The following RXRG variants were observed in gnomAD, a reference collection of about 807,000 sequenced individuals.
RXRG encodes the protein retinoic acid receptor RXR-gamma.
A neutral mutation model predicts 49.2 loss-of-function variants in RXRG; 19 were observed. The ratio of observed to expected loss-of-function variants is 0.39; its 90% CI spans 0.27 to 0.57. RXRG has a LOEUF of 0.57. RXRG is among the 20% of genes least tolerant of loss of function. RXRG has a pLI of 0.64. For missense variants in RXRG, 452 were observed against 592.5 expected (o/e 0.76, Z 2.46); for synonymous variants, 224 against 216.6 (o/e 1.03, Z -0.30).
intron 1 of RXRG, among the ~76,000 whole-genome samples, chr1:165,438,595 T>C (rs1379110895): frequency 6.6e-6 from 1 of 152,216 alleles, no homozygotes; most frequent in Non-Finnish European, 1.5e-5. Context: ...TAAAGAGTTT[T>C]AGGAATGTAA....
intron 2 of RXRG, among the ~76,000 whole-genome samples, chr1:165,427,953 T>C (rs1157028447): frequency 1.3e-5 from 2 of 152,200 alleles, no homozygotes; most frequent in Non-Finnish European, 2.9e-5. Flanking sequence ...GAGCCATCTG[T>C]CCTAGCCTAA....
At chr1:165,413,690 G>A (rs1369160824) in intron 4 of RXRG, among the ~76,000 whole-genome samples, 1 of 152,160 alleles carries the variant, frequency 6.6e-6, no homozygotes, top group African/African-American at 2.4e-5. Flanking sequence ...AGAAATCATG[G>A]AAATAGACAT....
At chr1:165,409,718 G>A (rs1431607239) in intron 6 of RXRG, 28 bp from the exon 7 acceptor site, 3 of 1,444,946 alleles carry the variant, frequency 2.1e-6, no homozygotes, top group Non-Finnish European at 2.7e-6. Flanking sequence ...AGGTCTTGAG[G>A]GAAAACAGAA....
chr1:165,407,148 C>A (rs79768498), intron 8 of RXRG, among the ~76,000 whole-genome samples: 260 of 152,304 alleles, frequency 1.7e-3, no homozygotes, highest in African/African-American at 5.9e-3. Context: ...ATGTACCCAC[C>A]ACTGACTCTA....
intron 1 of RXRG, among the ~76,000 whole-genome samples, chr1:165,441,567 C>T (rs1171163319): frequency 6.6e-6 from 1 of 152,190 alleles, no homozygotes; most frequent in African/African-American, 2.4e-5. Context: ...GTAACAGTAC[C>T]TACTCCTAGG....
In RXRG at chr1:165,444,940, T is replaced by C; in HGVS notation, c.-47A>G. 1 of 1,567,490 alleles carries C rather than the reference T, an allele frequency of 6.4e-7. No individual in the cohort carries two copies. The highest frequency in any genetic ancestry group is 1.1e-5 in the South Asian group (1 of 90,208). On this transcript the variant is annotated 5_prime_UTR_variant, in exon 1 of 10. Coordinates refer to ENST00000359842, the MANE Select transcript of RXRG (RefSeq NM_006917.5). ...CCTCTCCTGTGCAGCTTCTAAATAT[T>C]ACCGCCTCTCTCGGCTCCCAGGCAC...
intron 9 of RXRG, among the ~76,000 whole-genome samples, chr1:165,406,440 C>T (rs985114379): frequency 2.6e-5 from 4 of 152,248 alleles, no homozygotes; most frequent in African/African-American, 9.6e-5. Flanking sequence ...GGGTTCACAT[C>T]TCACCTCCAC....
chr1:165,426,880 G>C lies in RXRG; in HGVS notation c.297+1839C>G, dbSNP rs78207898. Among the ~76,000 whole-genome samples the C allele has an allele frequency of 5.9e-3, 906 of 152,282 alleles. 8 individuals are homozygous for C. Among genetic ancestry groups the C allele is most frequent in the African/African-American group, 0.021 (866 of 41,548 alleles). On this transcript the variant is annotated intron_variant, in intron 2 of 9. Transcript: ENST00000359842. ...CATGACATACTCCAAAGGCCAGCAG[G>C]CTTGAGACCCAGGAAGAGCAAATGC...
chr1:165,424,693 C>A, intron 2 of RXRG: 2 of 741,820 alleles, frequency 2.7e-6, no homozygotes, highest in Non-Finnish European at 3.3e-6. Flanking sequence ...ACTGGCCCTG[C>A]CTGCTGCTCC....
intron 7 of RXRG, 93 bp downstream of exon 7, chr1:165,409,465 G>T: frequency 1.6e-6 from 2 of 1,253,416 alleles, no homozygotes; most frequent in South Asian, 3.7e-5. Context: ...ATGCCCACGT[G>T]AGAATTCATG....
chr1:165,424,569 T>A (rs1429439640), intron 2 of RXRG, among the ~76,000 whole-genome samples: 1 of 152,198 alleles, frequency 6.6e-6, no homozygotes, highest in Non-Finnish European at 1.5e-5. Flanking sequence ...TGCAAAAGAT[T>A]ACACAATTCC....
Position 165,445,048 on chromosome 1 carries a change from TG to T in RXRG, c.-156del. On this transcript the variant is annotated 5_prime_UTR_variant, in exon 1 of 10. It introduces an in-frame stop codon into an upstream open reading frame of the 5' UTR. Transcript: ENST00000359842. The stretch of plus-strand genomic sequence containing the variant: ...GGGAGCACAGGCTGGGCCAGCCCTC[TG>T]GGATTAGTCAGGAATCTGCCTCTAG... The T allele has an allele frequency of 1.5e-6, 1 of 671,844 alleles. No homozygotes were observed. The highest frequency in any genetic ancestry group is 2.7e-6 in the Non-Finnish European group (1 of 371,700). 41.6% of individuals were successfully genotyped at this position (671,844 alleles called of 1,614,324 possible).
chr1:165,438,920 G>A (rs1048999059), intron 1 of RXRG, among the ~76,000 whole-genome samples: 1 of 152,122 alleles, frequency 6.6e-6, no homozygotes, highest in Non-Finnish European at 1.5e-5. Flanking sequence ...AGATACATAT[G>A]TTTTCAAGCA....
At chr1:165,425,643 C>T (rs1263807483) in intron 2 of RXRG, among the ~76,000 whole-genome samples, 2 of 152,168 alleles carry the variant, frequency 1.3e-5, no homozygotes, top group African/African-American at 4.8e-5. Flanking sequence ...GTATCAATGG[C>T]CTTGCTGATT....
chr1:165,414,689 T>C (rs1161212751), intron 4 of RXRG, among the ~76,000 whole-genome samples: 3 of 152,178 alleles, frequency 2.0e-5, no homozygotes, highest in Non-Finnish European at 4.4e-5. Flanking sequence ...TTGATAATCA[T>C]GGTGGGGGAA....
chr1:165,440,618 A>G (rs1043356435), intron 1 of RXRG, among the ~76,000 whole-genome samples: 4 of 152,156 alleles, frequency 2.6e-5, no homozygotes, highest in Non-Finnish European at 5.9e-5. Context: ...TCTGAGGATC[A>G]CTGAGCCAGG....
chr1:165,437,437 CCTGAGAACAGATAATGTT>C (rs1195654637), intron 1 of RXRG, among the ~76,000 whole-genome samples: 1 of 152,152 alleles, frequency 6.6e-6, no homozygotes, highest in African/African-American at 2.4e-5. Flanking sequence ...GGATTTAGAA[CCTGAGAACAGATAATGTT>C]CTGAATATTA....
intron 3 of RXRG, among the ~76,000 whole-genome samples, chr1:165,419,268 G>T (rs1658231307): frequency 1.3e-5 from 2 of 152,014 alleles, no homozygotes; most frequent in Admixed American, 1.3e-4. Context: ...ATATTAAAGG[G>T]TTTATTTTTC....
intron 8 of RXRG, among the ~76,000 whole-genome samples, chr1:165,407,753 G>A (rs1657801314): frequency 1.3e-5 from 2 of 151,844 alleles, no homozygotes; most frequent in African/African-American, 2.4e-5. Flanking sequence ...ACAAGATCCC[G>A]ATTCCTACCC....
Sources: allele counts gnomAD v4.1 joint callset (sites outside exome capture counted in the v4.1 genomes callset), GRCh38; gene constraint gnomAD v4.1.1; transcripts MANE v1.5; gene names NCBI Gene and HGNC (gene_info 2026-07-23, HGNC 2026-07-21).